ZMYM4: variants seen among roughly 807,000 people sequenced by gnomAD.
ZMYM4 encodes the protein zinc finger MYM-type protein 4.
A neutral mutation model predicts 183.2 loss-of-function variants in ZMYM4; 31 were observed. The ratio of observed to expected loss-of-function variants is 0.17; its 90% CI spans 0.13 to 0.23. The LOEUF (loss-of-function observed/expected upper bound fraction) is 0.23. Among genes scored for constraint, ZMYM4 ranks in the 10% least tolerant of loss-of-function variants. The pLI is 1.00. For synonymous variants in ZMYM4, 592 were observed against 631.2 expected (o/e 0.94, Z 0.93); for missense variants, 1,273 against 1,840.3 (o/e 0.69, Z 5.64).
At chr1:35,323,801 G>T (rs371883721) in intron 1 of ZMYM4, among the ~76,000 whole-genome samples, 2 of 150,750 alleles carry the variant, frequency 1.3e-5, no homozygotes. Context: ...TGATCCACCC[G>T]TCTCGGCCTC....
At chr1:35,296,852 T>C (rs1213391137) in intron 1 of ZMYM4, among the ~76,000 whole-genome samples, 2 of 144,404 alleles carry the variant, frequency 1.4e-5, no homozygotes, top group Admixed American at 6.9e-5. Flanking sequence ...TCTTTTTTTT[T>C]TTTTTTTTTT....
At chr1:35,296,843 C>CTTTCTTTTTTTT (rs1553163901) in intron 1 of ZMYM4, among the ~76,000 whole-genome samples, 36 of 95,612 alleles carry the variant, frequency 3.8e-4, no homozygotes, top group East Asian at 3.5e-3. Context: ...TTCTTTCTTT[C>CTTTCTTTTTTTT]TTTTTTTTTT....
In ZMYM4 at chr1:35,385,160, T is replaced by A. The variant is rs12032716; in HGVS notation, c.1570-282T>A. 0.021 allele frequency among the ~76,000 whole-genome samples: 3,137 copies of A among 152,324 alleles called. 64 individuals are homozygous for A. The highest frequency in any genetic ancestry group is 0.051 in the African/African-American group (2,123 of 41,552). On this transcript the variant is annotated intron_variant, in intron 9 of 29. Transcript: ENST00000314607. ...ACGCCTGGCCGCATTACTTTTTCAATGAAATAGAATAGATTGGAAAATATC... is the reference window on the plus strand; with the variant it reads ...ACGCCTGGCCGCATTACTTTTTCAAAGAAATAGAATAGATTGGAAAATATC...
At chr1:35,279,758 A>G (rs956494147) in intron 1 of ZMYM4, among the ~76,000 whole-genome samples, 1 of 152,240 alleles carries the variant, frequency 6.6e-6, no homozygotes, top group Admixed American at 6.5e-5. Flanking sequence ...ACAGTAGAAC[A>G]TAGTTCAGCC....
intron 2 of ZMYM4, among the ~76,000 whole-genome samples, chr1:35,354,316 ATAAT>A (rs972338526): frequency 2.6e-5 from 4 of 152,362 alleles, no homozygotes; most frequent in African/African-American, 9.6e-5. Flanking sequence ...GGTATGTACT[ATAAT>A]TAAGTTAGCC....
chr1:35,416,662 C>G (rs529585013), intron 28 of ZMYM4, among the ~76,000 whole-genome samples: 1 of 152,294 alleles, frequency 6.6e-6, no homozygotes, highest in Admixed American at 6.5e-5. Context: ...CTCCCAGGTT[C>G]AAGCAATTCT....
intron 15 of ZMYM4, 50 bp downstream of exon 15, chr1:35,390,148 C>T (rs377563214): frequency 4.5e-6 from 7 of 1,564,004 alleles, no homozygotes; most frequent in Non-Finnish European, 6.1e-6. Context: ...ATACTAGGAA[C>T]TACTGTTCTT....
At position 35,387,256 on chromosome 1, in the gene ZMYM4, A is replaced by C; in HGVS notation, c.2090A>C (p.Lys697Thr). 1 of 1,614,086 alleles carries C rather than the reference A, an allele frequency of 6.2e-7. No individual in the cohort carries two copies. Among genetic ancestry groups the C allele is most frequent in the South Asian group, 1.1e-5 (1 of 91,064 alleles). Residue 697 changes from lysine (K) to threonine (T), a missense_variant, in exon 12 of 30, where the codon AAA (lysine) becomes ACA (threonine). Physicochemically the swap from Lys to Thr is moderately conservative, Grantham distance 78 (BLOSUM62 -1). Coordinates refer to ENST00000314607, the MANE Select transcript of ZMYM4 (RefSeq NM_005095.3). The part of the protein sequence containing the change: ...CQHCNRLFAT[K>T]PELLDYKGKM... ...CACTGTAACCGTCTTTTTGCCACAA[A>C]ACCAGAACTTCTTGACTATAAGGTA... is the stretch of plus-strand genomic sequence containing the variant.
intron 2 of ZMYM4, among the ~76,000 whole-genome samples, chr1:35,328,199 G>T (rs1642585889): frequency 6.6e-6 from 1 of 152,130 alleles, no homozygotes; most frequent in East Asian, 1.9e-4. Context: ...TTTGGGGTTT[G>T]TGTTTCTGGT....
At chr1:35,405,342 A>G in intron 24 of ZMYM4, 31 bp from the exon 25 acceptor site, 2 of 1,582,866 alleles carry the variant, frequency 1.3e-6, no homozygotes, top group Non-Finnish European at 1.7e-6. Flanking sequence ...ATTTTATTTA[A>G]ACTTTTCTTT....
intron 1 of ZMYM4, among the ~76,000 whole-genome samples, chr1:35,321,208 C>CT (rs1222882252): frequency 6.6e-6 from 1 of 152,158 alleles, no homozygotes; most frequent in East Asian, 1.9e-4. Flanking sequence ...TACACAGTCA[C>CT]ATTGGTCGTA....
chr1:35,363,628 A>G (rs896332210), intron 5 of ZMYM4, among the ~76,000 whole-genome samples: 1 of 151,276 alleles, frequency 6.6e-6, no homozygotes, highest in Non-Finnish European at 1.5e-5. Context: ...TGATAAAGCT[A>G]TAGGAGTTGG....
chr1:35,284,136 CCTG>C (rs1436851936), intron 1 of ZMYM4, among the ~76,000 whole-genome samples: 4 of 151,780 alleles, frequency 2.6e-5, no homozygotes, highest in Non-Finnish European at 4.4e-5. Context: ...GCCACCGCGC[CCTG>C]CTAATTTTTT....
At chr1:35,382,367 T>A (rs1326995371) in intron 9 of ZMYM4, among the ~76,000 whole-genome samples, 1 of 151,816 alleles carries the variant, frequency 6.6e-6, no homozygotes, top group African/African-American at 2.4e-5. Flanking sequence ...GCATTAAATA[T>A]TCATACAGAG....
intron 27 of ZMYM4, among the ~76,000 whole-genome samples, chr1:35,414,642 TCTGGCCTG>T (rs1640040680): frequency 6.6e-6 from 1 of 152,240 alleles, no homozygotes; most frequent in African/African-American, 2.4e-5. Flanking sequence ...ATGGGCCAAA[TCTGGCCTG>T]CTCCCTGTTT....
At chr1:35,387,658 T>C (rs1644606415) in intron 13 of ZMYM4, 54 bp downstream of exon 13, 2 of 1,534,224 alleles carry the variant, frequency 1.3e-6, no homozygotes, top group Non-Finnish European at 1.8e-6. Flanking sequence ...TTTAAAGCAG[T>C]TGATGATGAT....
chr1:35,332,603 T>C (rs1312074080), intron 2 of ZMYM4, among the ~76,000 whole-genome samples: 1 of 152,172 alleles, frequency 6.6e-6, no homozygotes, highest in Non-Finnish European at 1.5e-5. Flanking sequence ...GCCTTCCTCA[T>C]AGTGTGGCAG....
intron 7 of ZMYM4, among the ~76,000 whole-genome samples, chr1:35,380,432 A>G (rs1644430330): frequency 6.6e-6 from 1 of 152,032 alleles, no homozygotes; most frequent in Admixed American, 6.6e-5. Flanking sequence ...GGTTCATGCC[A>G]TCCTCCTGCC....
chr1:35,387,701 ATTGTT>A lies in ZMYM4; in HGVS notation c.2263+99_2263+103del. ...TTCACTGTCTAAGTTAATCTGTTTT[ATTGTT>A]TATGTATAACGTAAATGCCTTTTCG... On this transcript the variant is annotated intron_variant, in intron 13 of 29. Transcript: ENST00000314607. 5 of 1,319,440 alleles carry A rather than the reference ATTGTT, an allele frequency of 3.8e-6. No individual in the cohort carries two copies. The South Asian group carries it at 8.0e-5, about 21-fold the overall frequency. 81.7% of individuals were successfully genotyped at this position (1,319,440 alleles called of 1,614,324 possible). A position where few individuals can be genotyped will look rare whatever the true frequency, so the allele number is the denominator to read the frequency against.
Sources: allele counts gnomAD v4.1 joint callset (sites outside exome capture counted in the v4.1 genomes callset), GRCh38; gene constraint gnomAD v4.1.1; transcripts MANE v1.5; gene names NCBI Gene and HGNC (gene_info 2026-07-23, HGNC 2026-07-21).